CLCN7: variants seen among roughly 807,000 people sequenced by gnomAD.
CLCN7 encodes Cl-/H+ antiporter 7.
In CLCN7, 60 loss-of-function variants were observed where a neutral mutation model predicts 102.1. The ratio of observed to expected loss-of-function variants is 0.59; its 90% CI spans 0.48 to 0.73. The LOEUF (loss-of-function observed/expected upper bound fraction) is 0.73, where lower values mean the gene tolerates loss of function less well. Among genes scored for constraint, CLCN7 ranks in the 30% least tolerant of loss-of-function variants. The pLI, the probability that CLCN7 is intolerant of heterozygous loss-of-function variation, is 0.00. For missense variants in CLCN7, 962 were observed against 1,125.7 expected, an observed-to-expected ratio of 0.85 and a Z score of 2.08; for synonymous variants, 560 against 490.5, an observed-to-expected ratio of 1.14 and a Z score of -1.87.
intron 6 of CLCN7, 73 bp downstream of exon 6, chr16:1,460,345 G>A (rs1567271975): frequency 9.9e-6 from 11 of 1,113,634 alleles, no homozygotes; most frequent in Non-Finnish European, 1.5e-5. Context: ...TGAGCTGCAG[G>A]GGTTCCCGCC....
rs537057233 is a variant in CLCN7, at chr16:1,474,880, C to G, written c.95G>C (p.Gly32Ala). 3.5e-5 allele frequency: 51 copies of G among 1,447,456 alleles called. No homozygotes were observed. Among genetic ancestry groups the G allele is most frequent in the East Asian group, 1.9e-4 (6 of 32,388 alleles). The allele number at this position is 1,447,456 out of a possible 1,614,324, so 89.7% of individuals were successfully genotyped here. A position where few individuals can be genotyped will look rare whatever the true frequency, so the allele number is the denominator to read the frequency against. The change falls in exon 1 of 25, where the codon GGG (glycine) becomes GCG (alanine). Residue 32 changes from glycine to alanine, a missense_variant. Coordinates refer to ENST00000382745, the MANE Select transcript of CLCN7 (RefSeq NM_001287.6). ...AGCCCCGTTCAGCAGCGGCGTCCCC[C>G]CGCCGGGCCGCGCCGTCCTCCGCAG... ...PLLRRTARPG[G>A]GTPLLNGAGP... is the part of the protein sequence containing the mutation.
Position 1,456,134 on chromosome 16 carries a change from C to T in CLCN7, c.895G>A (p.Ala299Thr). The change falls in exon 10 of 25, where the codon GCG (alanine) becomes ACG (threonine). Residue 299 changes from alanine to threonine, a missense_variant. By Grantham distance (58) the Ala-to-Thr change is moderately conservative. Around this residue, in one of 2 missense-constraint regions of CLCN7, gnomAD observed 799 missense variants for 988.0 expected, o/e 0.81. Transcript: ENST00000382745. ...TCACCCACGGGGGCTCCAAACGCCG[C>T]TGACACTCCGGCCGCAGCCCCTGCG... ...VSAGAAAGVS[A>T]AFGAPVGGVL... 1 of 1,561,350 alleles carries T rather than the reference C, an allele frequency of 6.4e-7. No individual in the cohort carries two copies. The highest frequency in any genetic ancestry group is 8.7e-7 in the Non-Finnish European group (1 of 1,152,594).
Position 1,447,428 on chromosome 16 carries a change from G to C in CLCN7, c.2214C>G (p.Ser738=). ...QDERECTMDL[S]EFMNPSPYTV... The stretch of plus-strand genomic sequence containing the variant: ...TGTAGGGGGAGGGGTTCATGAACTC[G>C]GAGAGGTCCATGGTGCACTCCCGCT... The change falls in exon 23 of 25, where the codon TCC becomes TCG. Residue 738 remains serine (S), a synonymous_variant. Transcript: ENST00000382745. 6.4e-7 allele frequency: 1 copy of C among 1,551,760 alleles called. No homozygotes were observed. Among genetic ancestry groups the C allele is most frequent in the Non-Finnish European group, 8.7e-7 (1 of 1,147,778 alleles).
intron 2 of CLCN7, among the ~76,000 whole-genome samples, chr16:1,463,774 GAA>G (rs34219752): frequency 0.014 from 1,975 of 144,222 alleles, 48 homozygotes; most frequent in African/African-American, 0.046. Context: ...CACCTGCCCA[GAA>G]AAAAAAAAAA....
chr16:1,463,306 A>G (rs1376651638), intron 2 of CLCN7, among the ~76,000 whole-genome samples: 1 of 152,180 alleles, frequency 6.6e-6, no homozygotes, highest in Non-Finnish European at 1.5e-5. Flanking sequence ...CAAAAGTACA[A>G]GCAACACAAG....
intron 10 of CLCN7, 26 bp downstream of exon 10, chr16:1,456,087 A>G (rs1191599207): frequency 6.6e-7 from 1 of 1,520,922 alleles, no homozygotes; most frequent in East Asian, 2.4e-5. Context: ...AGGGCAAAGC[A>G]TTGGACCCGG....
intron 24 of CLCN7, 46 bp downstream of exon 24, chr16:1,446,960 G>C (rs1027410758): frequency 6.7e-7 from 1 of 1,501,406 alleles, no homozygotes; most frequent in Non-Finnish European, 9.0e-7. Context: ...AGGAGGCAGA[G>C]GGGAGCCCTG....
At chr16:1,467,418 G>A (rs763353280) in intron 1 of CLCN7, among the ~76,000 whole-genome samples, 18 of 152,162 alleles carry the variant, frequency 1.2e-4, no homozygotes, top group Non-Finnish European at 1.9e-4. Context: ...ACGGGCTGAC[G>A]GTGGGAGGAG....
intron 12 of CLCN7, 25 bp downstream of exon 12, chr16:1,455,109 C>A (rs762656488): frequency 3.0e-6 from 4 of 1,328,684 alleles, no homozygotes; most frequent in Admixed American, 1.7e-5. Context: ...ACGAGGTGGG[C>A]GAGGTGGGCG....
At chr16:1,449,557 A>G (rs1325244382) in intron 17 of CLCN7, 2 of 599,984 alleles carry the variant, frequency 3.3e-6, no homozygotes, top group East Asian at 2.8e-5. Flanking sequence ...AGTGGCAGGC[A>G]TGGAGGATGC....
At position 1,460,305 on chromosome 16, in the gene CLCN7, G is replaced by T. The variant is rs138692850; in HGVS notation, c.594+113C>A. The T allele has an allele frequency of 5.0e-6, 4 of 794,232 alleles. No homozygotes were observed. In the African/African-American group the frequency reaches 5.1e-5, roughly 10 times the overall value. The allele number at this position is 794,232 out of a possible 1,614,324, so 49.2% of individuals were successfully genotyped here. A position where few individuals can be genotyped will look rare whatever the true frequency, so the allele number is the denominator to read the frequency against. The stretch of plus-strand genomic sequence containing the variant: ...ACCACGTGATTCTAAAAGTGCCCGG[G>T]TTGTCAGCCAATGTGATGGTGGGGG... On this transcript the variant is annotated intron_variant, in intron 6 of 24. Coordinates refer to ENST00000382745, the MANE Select transcript of CLCN7 (RefSeq NM_001287.6).
At chr16:1,450,695 T>C in intron 16 of CLCN7, 29 bp from the exon 17 acceptor site, 1 of 1,363,940 alleles carries the variant, frequency 7.3e-7, no homozygotes, top group East Asian at 2.3e-5. Context: ...TGACGGGGCC[T>C]CCACGACTCC....
intron 5 of CLCN7, 61 bp downstream of exon 5, chr16:1,460,755 C>T (rs968881104): frequency 9.2e-5 from 149 of 1,611,360 alleles, no homozygotes; most frequent in Non-Finnish European, 1.2e-4. Context: ...GACTTCTGCC[C>T]GGGACTCGGC....
At chr16:1,451,077 G>A (rs924002984) in intron 16 of CLCN7, among the ~76,000 whole-genome samples, 1 of 152,240 alleles carries the variant, frequency 6.6e-6, no homozygotes, top group African/African-American at 2.4e-5. Context: ...CGTGCAGGGC[G>A]GGTGAGACCG....
At chr16:1,458,419 G>C (rs1475206702) in intron 7 of CLCN7, among the ~76,000 whole-genome samples, 2 of 152,260 alleles carry the variant, frequency 1.3e-5, no homozygotes, top group Non-Finnish European at 2.9e-5. Context: ...CCTGGCGCGG[G>C]TGACAGGCGG....
chr16:1,457,710 C>A lies in CLCN7; in HGVS notation c.722G>T (p.Gly241Val). The change falls in exon 8 of 25, where the codon GGC becomes GTC. Residue 241 changes from glycine to valine, a missense_variant. Transcript: ENST00000382745. This position sits in a 1 kb window ranked among gnomAD's most constrained non-coding sequence, Gnocchi z 5.4. ...VSGVILSVVG[G>V]LAVGKEGPMI... ...CTTTGTTACCTTTCCCACGGCCAGG[C>A]CCCCGACCACGGACAGGATCACACC... 6.2e-7 allele frequency: 1 copy of A among 1,613,742 alleles called. No homozygotes were observed. Among genetic ancestry groups the A allele is most frequent in the Non-Finnish European group, 8.5e-7 (1 of 1,179,958 alleles).
At position 1,459,128 on chromosome 16, in the gene CLCN7, G is replaced by T; in HGVS notation, c.654C>A (p.Ile218=). ...TCACCTTGAGCCGCACCACGTGGGG[G>T]ATCTTCACCCCGTTGAGGAAGCACT... ...QIKCFLNGVK[I]PHVVRLKTLV... is the part of the protein sequence containing the mutation. Residue 218 remains isoleucine (I), a synonymous_variant, in exon 7 of 25, where the codon ATC becomes ATA. Coordinates refer to ENST00000382745, the MANE Select transcript of CLCN7 (RefSeq NM_001287.6). 1 of 1,612,534 alleles carries T rather than the reference G, an allele frequency of 6.2e-7. No homozygotes were observed. Among genetic ancestry groups the T allele is most frequent in the Non-Finnish European group, 8.5e-7 (1 of 1,179,290 alleles).
chr16:1,447,743 C>T (rs367730345), intron 21 of CLCN7, 29 bp from the exon 22 acceptor site: 53 of 1,548,444 alleles, frequency 3.4e-5, no homozygotes, highest in African/African-American at 5.5e-5. Flanking sequence ...GTCAGGGCCA[C>T]GGGCCCGAGG....
rs143364973 is a variant in CLCN7, at chr16:1,446,403, G to A, written c.*228C>T. On this transcript the variant is annotated 3_prime_UTR_variant, in exon 25 of 25. Coordinates refer to ENST00000382745, the MANE Select transcript of CLCN7 (RefSeq NM_001287.6). ...AAGAAACCTAGACGAGGAGAGTGGAGGCTGGGCCTGCGCAAGGAGGCGCCA... is the reference window on the plus strand; with the variant it reads ...AAGAAACCTAGACGAGGAGAGTGGAAGCTGGGCCTGCGCAAGGAGGCGCCA... 531 of 702,474 alleles carry A rather than the reference G, an allele frequency of 7.6e-4. 3 individuals are homozygous for A. In the East Asian group the frequency reaches 0.012, roughly 16 times the overall value. 43.5% of individuals were successfully genotyped at this position (702,474 alleles called of 1,614,324 possible). A position where few individuals can be genotyped will look rare whatever the true frequency, so the allele number is the denominator to read the frequency against.
Sources: gnomAD v4.1 joint callset for allele counts (sites outside exome capture counted in the v4.1 genomes callset) on GRCh38, gnomAD v4.1.1 for gene constraint, gnomAD v4.1.1 regional missense constraint, Gnocchi (gnomAD v3.1) non-coding constraint, MANE v1.5 for transcripts, NCBI Gene and HGNC (gene_info 2026-07-23, HGNC 2026-07-21) for gene names.